GNE: variants seen among roughly 807,000 people sequenced by gnomAD.
GNE encodes the protein glucosamine (UDP-N-acetyl)-2-epimerase/N-acetylmannosamine kinase.
GNE carries 41 observed loss-of-function variants against 61.8 expected under a neutral mutation model. That is an observed-to-expected ratio of 0.66 (90% CI 0.52 to 0.86). GNE has a LOEUF of 0.86. Among genes scored for constraint, GNE ranks in the 40% least tolerant of loss-of-function variants. The probability of loss-of-function intolerance (pLI) is 0.00; values close to 1 mark genes in which losing one functional copy is unlikely to be tolerated. For synonymous variants in GNE, 264 were observed against 326.4 expected, an observed-to-expected ratio of 0.81 and a Z score of 2.06; for missense variants, 608 against 909.1, an observed-to-expected ratio of 0.67 and a Z score of 4.26.
chr9:36,234,026 G>A lies in GNE; in HGVS notation c.876C>T (p.Ala292=), dbSNP rs183495582. 1.9e-6 allele frequency: 3 copies of A among 1,614,092 alleles called. No individual in the cohort carries two copies. The Admixed American group carries it at 5.0e-5, about 27-fold the overall frequency. Residue 292 remains alanine, a synonymous_variant, in exon 5 of 12, where the codon GCC becomes GCT. Transcript: ENST00000642385. ...VPFDQFIQLV[A]HAGCMIGNSS... is the part of the protein sequence containing the mutation. ...TGTTCCCAATCATACAGCCAGCATG[G>A]GCAACCAACTGTATAAACTGGTCAA...
At chr9:36,272,982 G>A (rs1012948011) in intron 1 of GNE, among the ~76,000 whole-genome samples, 2 of 151,316 alleles carry the variant, frequency 1.3e-5, no homozygotes, top group Non-Finnish European at 2.9e-5. Context: ...CTACTCAGGA[G>A]GCTGAGGCAG....
chr9:36,266,874 G>A (rs1830816863), intron 1 of GNE, among the ~76,000 whole-genome samples: 1 of 151,950 alleles, frequency 6.6e-6, no homozygotes, highest in Admixed American at 6.6e-5. Context: ...GCGCCAGCCT[G>A]GGTGACAAAG....
At chr9:36,231,066 TAA>T (rs529903965) in intron 5 of GNE, among the ~76,000 whole-genome samples, 29 of 68,330 alleles carry the variant, frequency 4.2e-4, no homozygotes, top group Non-Finnish European at 7.1e-4. Flanking sequence ...ACTGCTTCAC[TAA>T]AAAAAAAAAA....
chr9:36,222,937 C>T lies in GNE; in HGVS notation c.1473G>A (p.Leu491=). The change falls in exon 9 of 12, where the codon CTG becomes CTA. Residue 491 remains leucine, a synonymous_variant. Transcript: ENST00000642385. Reference sequence around the variant, plus strand: ...GGTCCACAGAGTTCCACTCTTGGATCAGTTTGGTTGAATGCAGCACAATTC... The same window carrying T: ...GGTCCACAGAGTTCCACTCTTGGATTAGTTTGGTTGAATGCAGCACAATTC... ...REGIVLHSTK[L]IQEWNSVDLR... 6.2e-7 allele frequency: 1 copy of T among 1,614,166 alleles called. No homozygotes were observed. The highest frequency in any genetic ancestry group is 8.5e-7 in the Non-Finnish European group (1 of 1,180,030).
chr9:36,249,026 A>T (rs1830011032), intron 2 of GNE, among the ~76,000 whole-genome samples, 166 bp downstream of exon 2: 1 of 152,242 alleles, frequency 6.6e-6, no homozygotes, highest in Non-Finnish European at 1.5e-5. Context: ...TCACTACATT[A>T]TATAATGAGG....
exon 1 of GNE, chr9:36,276,949 A>G: frequency 6.2e-7 from 1 of 1,613,320 alleles, no homozygotes; most frequent in Non-Finnish European, 8.5e-7. Context: ...TTCCATCCCG[A>G]AGCACGAGCT....
intron 1 of GNE, among the ~76,000 whole-genome samples, chr9:36,256,552 A>G (rs557655637): frequency 6.6e-6 from 1 of 152,244 alleles, no homozygotes; most frequent in African/African-American, 2.4e-5. Flanking sequence ...GCAGAAACCC[A>G]AATTCTTAAA....
chr9:36,276,825 C>T, intron 1 of GNE: 1 of 1,171,944 alleles, frequency 8.5e-7, no homozygotes, highest in Non-Finnish European at 1.3e-6. Context: ...TTGTAATTTT[C>T]CTTTTTCCCC....
intron 3 of GNE, 144 bp from the exon 4 acceptor site, chr9:36,237,128 C>A: frequency 1.5e-6 from 1 of 678,094 alleles, no homozygotes; most frequent in South Asian, 1.7e-5. Flanking sequence ...AACAGGGCAT[C>A]CAAATTAGAG....
In GNE at chr9:36,246,164, G is replaced by A. The variant is rs1457627910; in HGVS notation, c.483C>T (p.Thr161=). The A allele has an allele frequency of 6.2e-7, 1 of 1,613,706 alleles. No individual in the cohort carries two copies. The highest frequency in any genetic ancestry group is 8.5e-7 in the Non-Finnish European group (1 of 1,179,582). The part of the protein sequence containing the change: ...TKLAHYHVCC[T]RSAEQHLISM... ...ATATCAGGTGCTGCTCTGCACTGCG[G>A]GTGCAGCACACATGATAATGAGCCA... The change falls in exon 3 of 12, where the codon ACC becomes ACT. Residue 161 remains threonine, a synonymous_variant. Transcript: ENST00000642385.
Position 36,222,784 on chromosome 9 carries a change from T to C in GNE, c.1626A>G (p.Thr542=), listed in dbSNP as rs1318261709. ...KGLENFVTLI[T]GTGIGGGIIH... ...TCCCCCTACCCCTCTTACCTGTGCC[T>C]GTGATAAGTGTAACAAAGTTTTCCA... Residue 542 remains threonine, a synonymous_variant, in exon 9 of 12, where the codon ACA becomes ACG. Transcript: ENST00000642385. The C allele has an allele frequency of 3.1e-6, 5 of 1,610,168 alleles. No homozygotes were observed. In the South Asian group the frequency reaches 4.4e-5, roughly 14 times the overall value.
chr9:36,262,078 C>A (rs932081023), upstream of GNE, among the ~76,000 whole-genome samples: 13 of 151,986 alleles, frequency 8.6e-5, no homozygotes, highest in African/African-American at 3.1e-4. Context: ...AATCTGGGTG[C>A]TGATTACATA....
intron 1 of GNE, chr9:36,265,199 G>C (rs918351570): frequency 3.0e-6 from 1 of 335,812 alleles, no homozygotes; most frequent in Non-Finnish European, 6.0e-6. Context: ...AACACTAGTC[G>C]CTGGGTTCTA....
rs1475749694 is a variant in GNE at position 36,220,049 on chromosome 9, G to A, written c.1634-29C>T. On this transcript the variant is annotated intron_variant, in intron 9 of 11. Transcript: ENST00000642385. ...CAGCGAGGGATAGAAATCACTGAGGGTGCTTTACCTGAAACAGAAAACTAT... is the reference window on the plus strand; with the variant it reads ...CAGCGAGGGATAGAAATCACTGAGGATGCTTTACCTGAAACAGAAAACTAT... 1.9e-6 allele frequency: 3 copies of A among 1,585,952 alleles called. No homozygotes were observed. The South Asian group carries it at 3.3e-5, about 18-fold the overall frequency.
intron 2 of GNE, among the ~76,000 whole-genome samples, chr9:36,247,119 C>A (rs1409180647): frequency 1.3e-5 from 2 of 151,652 alleles, no homozygotes; most frequent in African/African-American, 4.8e-5. Context: ...TGCAGTGGTG[C>A]GATCTTGACT....
rs749868397 is a variant in GNE, at chr9:36,217,504, T to C, written c.2030A>G (p.His677Arg). 3 of 1,613,954 alleles carry C rather than the reference T, an allele frequency of 1.9e-6. No individual in the cohort carries two copies. Among genetic ancestry groups the C allele is most frequent in the Non-Finnish European group, 8.5e-7 (1 of 1,179,844 alleles). Residue 677 changes from histidine (H) to arginine (R), a missense_variant, in exon 12 of 12, where the codon CAC (histidine) becomes CGC (arginine). Transcript: ENST00000642385. The stretch of plus-strand genomic sequence containing the variant: ...CTGGCGAATGACGTCTTTGACAATG[T>C]GGATATAGTGACTGGCCAGGACTCC... ...LSGVLASHYI[H>R]IVKDVIRQQA...
intron 2 of GNE, among the ~76,000 whole-genome samples, chr9:36,247,783 T>C (rs1458778322): frequency 6.6e-6 from 1 of 151,932 alleles, no homozygotes; most frequent in African/African-American, 2.4e-5. Flanking sequence ...TCCCAGCACT[T>C]TGGGAGGCGG....
upstream of GNE, chr9:36,263,271 A>T: frequency 5.1e-6 from 1 of 197,462 alleles, no homozygotes; most frequent in Non-Finnish European, 1.1e-5. Context: ...CCCGGGTTCA[A>T]GCAATTCTCC....
At chr9:36,219,508 C>T (rs74837062) in intron 10 of GNE, among the ~76,000 whole-genome samples, 2,148 of 152,290 alleles carry the variant, frequency 0.014, 19 homozygotes, top group Middle Eastern at 0.031. Flanking sequence ...GTGATATATA[C>T]ATAACATGTT....
Sources: gnomAD v4.1 joint callset for allele counts (sites outside exome capture counted in the v4.1 genomes callset) on GRCh38, gnomAD v4.1.1 for gene constraint, MANE v1.5 for transcripts, NCBI Gene and HGNC (gene_info 2026-07-23, HGNC 2026-07-21) for gene names.